The following CDYL2 variants were observed in gnomAD, a reference collection of about 807,000 sequenced individuals.
CDYL2 encodes the protein chromodomain Y like 2.
Under a neutral mutation model 49.4 loss-of-function variants are expected in CDYL2, and 23 were observed. The ratio of observed to expected loss-of-function variants is 0.47; its 90% CI spans 0.34 to 0.66. The LOEUF (loss-of-function observed/expected upper bound fraction) is 0.66, where lower values mean the gene tolerates loss of function less well. Among genes scored for constraint, CDYL2 ranks in the 30% least tolerant of loss-of-function variants. The pLI, the probability that CDYL2 is intolerant of heterozygous loss-of-function variation, is 0.01. For missense variants in CDYL2, 678 were observed against 656.4 expected, an observed-to-expected ratio of 1.03 and a Z score of -0.36; for synonymous variants, 360 against 268.8, an observed-to-expected ratio of 1.34 and a Z score of -3.32.
intron 3 of CDYL2, among the ~76,000 whole-genome samples, chr16:80,629,063 A>G (rs756945050): frequency 7.9e-5 from 12 of 152,144 alleles, no homozygotes; most frequent in Non-Finnish European, 1.6e-4. Flanking sequence ...GTACAGGAGG[A>G]CAGGTATGTG....
intron 5 of CDYL2, among the ~76,000 whole-genome samples, chr16:80,609,313 C>A (rs1278383687): frequency 2.6e-5 from 4 of 152,182 alleles, no homozygotes; most frequent in Non-Finnish European, 5.9e-5. Flanking sequence ...CCCACCTGCT[C>A]TTCTCTCCTG....
At chr16:80,772,861 T>A (rs1323780969) in intron 1 of CDYL2, among the ~76,000 whole-genome samples, 2 of 152,050 alleles carry the variant, frequency 1.3e-5, no homozygotes, top group Non-Finnish European at 2.9e-5. Flanking sequence ...ATGTTCTCAG[T>A]CAATAAAAAG....
At chr16:80,804,680 G>T (rs187975120), upstream of CDYL2, among the ~76,000 whole-genome samples, 8,975 of 146,828 alleles carry the variant, frequency 0.061, 332 homozygotes, top group Admixed American at 0.1. Context: ...CGCCCCGGGG[G>T]ACCGGTCCCA....
intron 1 of CDYL2, among the ~76,000 whole-genome samples, chr16:80,762,880 C>T (rs144844461): frequency 1.1e-4 from 16 of 152,260 alleles, no homozygotes; most frequent in South Asian, 2.1e-4. Context: ...TGTGTTACAT[C>T]TGTGAGCTTC....
chr16:80,732,768 G>A (rs377137089), intron 1 of CDYL2, among the ~76,000 whole-genome samples: 1 of 152,192 alleles, frequency 6.6e-6, no homozygotes, highest in African/African-American at 2.4e-5. Context: ...AGACTGTGAT[G>A]TAAGAATTTC....
chr16:80,621,795 G>A (rs1321912808), intron 3 of CDYL2, among the ~76,000 whole-genome samples: 4 of 152,188 alleles, frequency 2.6e-5, no homozygotes, highest in Non-Finnish European at 5.9e-5. Context: ...TCTCCTGCAT[G>A]TATGCCCTAG....
intron 5 of CDYL2, among the ~76,000 whole-genome samples, chr16:80,610,547 G>A (rs1303955621): frequency 6.6e-6 from 1 of 151,918 alleles, no homozygotes; most frequent in Non-Finnish European, 1.5e-5. Context: ...GAGATTCTTG[G>A]GCAGAGGTAG....
At chr16:80,700,671 G>A (rs902531537) in intron 1 of CDYL2, among the ~76,000 whole-genome samples, 5 of 152,192 alleles carry the variant, frequency 3.3e-5, no homozygotes, top group South Asian at 2.1e-4. Flanking sequence ...GTGGGCATAC[G>A]AATAGCTATA....
chr16:80,621,002 G>C, intron 3 of CDYL2, 67 bp from the exon 4 acceptor site: 3 of 1,450,990 alleles, frequency 2.1e-6, no homozygotes, highest in Non-Finnish European at 2.8e-6. Flanking sequence ...CTTTCAGACT[G>C]CAAGACAGCC....
intron 6 of CDYL2, among the ~76,000 whole-genome samples, 200 bp from the exon 7 acceptor site, chr16:80,604,746 G>A (rs948143551): frequency 1.1e-4 from 17 of 152,206 alleles, no homozygotes; most frequent in Middle Eastern, 3.2e-3. Context: ...TGAACACTGT[G>A]AGGCCCTGGG....
At chr16:80,639,417 T>C (rs1907981712) in intron 2 of CDYL2, among the ~76,000 whole-genome samples, 1 of 152,208 alleles carries the variant, frequency 6.6e-6, no homozygotes, top group South Asian at 2.1e-4. Flanking sequence ...AACTGCAGCT[T>C]TATTCAAAGC....
intron 1 of CDYL2, among the ~76,000 whole-genome samples, chr16:80,739,033 A>G (rs561216302): frequency 6.6e-6 from 1 of 152,370 alleles, no homozygotes; most frequent in African/African-American, 2.4e-5. Flanking sequence ...GAATGGATAA[A>G]CAAAACGTGG....
intron 1 of CDYL2, among the ~76,000 whole-genome samples, chr16:80,696,371 A>T (rs1425843879): frequency 2.6e-5 from 4 of 152,198 alleles, no homozygotes; most frequent in African/African-American, 9.6e-5. Flanking sequence ...AATAGACAAA[A>T]AGAAATAATA....
intron 2 of CDYL2, among the ~76,000 whole-genome samples, chr16:80,638,777 A>T (rs182837296): frequency 6.6e-6 from 1 of 152,302 alleles, no homozygotes; most frequent in Admixed American, 6.5e-5. Context: ...CCATTTGAAA[A>T]AGGGAAAAAA....
chr16:80,637,777 A>G (rs1907905522), intron 2 of CDYL2, among the ~76,000 whole-genome samples: 1 of 152,214 alleles, frequency 6.6e-6, no homozygotes, highest in South Asian at 2.1e-4. Flanking sequence ...AAACAAACAC[A>G]AGACAAATGT....
intron 1 of CDYL2, among the ~76,000 whole-genome samples, chr16:80,803,653 G>C (rs1170704387): frequency 9.0e-6 from 1 of 110,682 alleles, no homozygotes; most frequent in East Asian, 3.1e-4. Context: ...GCTCCGCTCC[G>C]ATCGCCCGCC....
intron 1 of CDYL2, among the ~76,000 whole-genome samples, chr16:80,763,466 G>A (rs1906608674): frequency 6.6e-6 from 1 of 151,494 alleles, no homozygotes; most frequent in Non-Finnish European, 1.5e-5. Flanking sequence ...AAAAAAAAAA[G>A]CCAGGCATGG....
At position 80,797,860 on chromosome 16, in the gene CDYL2, A is replaced by G. The variant is rs370255726; in HGVS notation, c.24+6290T>C. ...AAACAGCACATTAACTGGCTGCCCT[A>G]CTTCTATTCTTCCTCTAATCTAATC... On this transcript the variant is annotated intron_variant, in intron 1 of 6. Coordinates refer to ENST00000570137, the MANE Select transcript of CDYL2 (RefSeq NM_152342.4). Among the ~76,000 whole-genome samples, 15 of 152,218 alleles carry G rather than the reference A, an allele frequency of 9.9e-5. No individual in the cohort carries two copies. The East Asian group carries it at 2.7e-3, about 27-fold the overall frequency.
intron 1 of CDYL2, among the ~76,000 whole-genome samples, chr16:80,762,994 G>T (rs77136062): frequency 2.6e-5 from 4 of 151,992 alleles, no homozygotes; most frequent in Non-Finnish European, 5.9e-5. Context: ...CATAAAATTA[G>T]GTTATATATT....
Sources: allele counts gnomAD v4.1 joint callset (sites outside exome capture counted in the v4.1 genomes callset), GRCh38; gene constraint gnomAD v4.1.1; transcripts MANE v1.5; gene names NCBI Gene and HGNC (gene_info 2026-07-23, HGNC 2026-07-21).